Variants in CRACD observed in about 807,000 individuals in gnomAD.
The protein encoded by CRACD is capping protein-inhibiting regulator of actin dynamics.
A neutral mutation model predicts 106.8 loss-of-function variants in CRACD; 56 were observed. That is an observed-to-expected ratio of 0.52 (90% CI 0.42 to 0.66). The LOEUF (loss-of-function observed/expected upper bound fraction) is 0.66. Among genes scored for constraint, CRACD ranks in the 30% least tolerant of loss-of-function variants. The pLI, the probability that CRACD is intolerant of heterozygous loss-of-function variation, is 0.00. For synonymous variants in CRACD, 754 were observed against 670.8 expected, an observed-to-expected ratio of 1.12 and a Z score of -1.92; for missense variants, 1,730 against 1,623.2, an observed-to-expected ratio of 1.07 and a Z score of -1.13.
intron 1 of CRACD, among the ~76,000 whole-genome samples, chr4:56,169,952 AT>A (rs1330583553): frequency 6.6e-6 from 1 of 152,178 alleles, no homozygotes; most frequent in Non-Finnish European, 1.5e-5. Flanking sequence ...CAGCAGGGGT[AT>A]TTATCTGGTG....
rs902460416 is a variant in CRACD, at chr4:56,254,830, C to T, written c.-188-17491C>T. ...TTTAAAAAAAAAAAGATCAGCTGGC[C>T]GCGGTGGCTCACGCCTGTAATCCCA... On this transcript the variant is annotated intron_variant, in intron 2 of 10. Coordinates refer to ENST00000682029, the MANE Select transcript of CRACD (RefSeq NM_001393381.1). Among the ~76,000 whole-genome samples the T allele has an allele frequency of 9.8e-4, 149 of 151,938 alleles. 1 individual carries two copies. Among genetic ancestry groups the T allele is most frequent in the Admixed American group, 9.1e-3 (139 of 15,240 alleles).
intron 1 of CRACD, among the ~76,000 whole-genome samples, chr4:56,090,536 A>G (rs1002338126): frequency 3.3e-5 from 5 of 152,166 alleles, no homozygotes; most frequent in African/African-American, 1.2e-4. Context: ...CTGGGACTAC[A>G]GGTGCGTACC....
At chr4:56,052,381 A>T (rs1731907740) in intron 1 of CRACD, among the ~76,000 whole-genome samples, 1 of 152,238 alleles carries the variant, frequency 6.6e-6, no homozygotes, top group Non-Finnish European at 1.5e-5. Context: ...TTCACATCCC[A>T]TTAATGGGTC....
intron 2 of CRACD, among the ~76,000 whole-genome samples, chr4:56,190,036 T>C (rs1737299095): frequency 6.9e-6 from 1 of 144,938 alleles, no homozygotes; most frequent in South Asian, 2.2e-4. Context: ...GTTCTCATTG[T>C]TCAATTCCCA....
At chr4:56,190,821 G>A (rs73158780) in intron 2 of CRACD, among the ~76,000 whole-genome samples, 10,480 of 152,086 alleles carry the variant, frequency 0.069, 481 homozygotes, top group African/African-American at 0.12. Flanking sequence ...CTGTGTGGGG[G>A]GAATCCAACC....
intron 1 of CRACD, among the ~76,000 whole-genome samples, chr4:56,103,257 T>C (rs756246944): frequency 3.9e-5 from 6 of 152,200 alleles, no homozygotes; most frequent in Non-Finnish European, 2.9e-5. Context: ...GTATTGAAGA[T>C]TTATATTCAT....
intron 1 of CRACD, among the ~76,000 whole-genome samples, chr4:56,055,837 A>C (rs1019172184): frequency 1.3e-5 from 2 of 152,218 alleles, no homozygotes; most frequent in Admixed American, 6.5e-5. Flanking sequence ...AACCCAGGCC[A>C]GCCATCTGGT....
At chr4:56,085,408 G>A (rs974323811) in intron 1 of CRACD, among the ~76,000 whole-genome samples, 7 of 151,994 alleles carry the variant, frequency 4.6e-5, no homozygotes, top group Non-Finnish European at 8.8e-5. Context: ...TGATGTGGTG[G>A]TGGGTAAAGC....
intron 2 of CRACD, among the ~76,000 whole-genome samples, chr4:56,232,698 A>ATATTTATTTATT (rs1164519565): frequency 1.1e-5 from 1 of 88,268 alleles, no homozygotes; most frequent in African/African-American, 4.5e-5. Context: ...TAAAACATGT[A>ATATTTATTTATT]TCTTTATTTA....
chr4:56,122,840 T>C (rs1734534609), intron 1 of CRACD, among the ~76,000 whole-genome samples: 1 of 152,260 alleles, frequency 6.6e-6, no homozygotes, highest in African/African-American at 2.4e-5. Context: ...AGTGAAATAT[T>C]GCTTGAGGAC....
intron 1 of CRACD, among the ~76,000 whole-genome samples, chr4:56,147,447 C>T (rs1470974974): frequency 6.6e-6 from 1 of 152,120 alleles, no homozygotes; most frequent in East Asian, 1.9e-4. Flanking sequence ...CACACCTAGC[C>T]CTAGGCAACC....
intron 2 of CRACD, among the ~76,000 whole-genome samples, chr4:56,226,713 G>T (rs1159521828): frequency 6.6e-6 from 1 of 152,042 alleles, no homozygotes; most frequent in Non-Finnish European, 1.5e-5. Flanking sequence ...ATGAATAGAT[G>T]AATGCCCTCC....
intron 8 of CRACD, among the ~76,000 whole-genome samples, chr4:56,317,720 C>G (rs1745769385): frequency 6.6e-6 from 1 of 152,056 alleles, no homozygotes; most frequent in South Asian, 2.1e-4. Flanking sequence ...GTAAAATGCT[C>G]TGCAAATGCA....
intron 3 of CRACD, among the ~76,000 whole-genome samples, chr4:56,295,660 CATATATATATATATATATATAT>C (rs57635563): frequency 0.16 from 17,438 of 109,068 alleles, 1,746 homozygotes; most frequent in Middle Eastern, 0.21. Context: ...AATTAGTAAA[CATATATATATATATATATATAT>C]ATATATATAT....
intron 2 of CRACD, among the ~76,000 whole-genome samples, chr4:56,234,033 C>T (rs1054024852): frequency 6.6e-6 from 1 of 151,550 alleles, no homozygotes; most frequent in Non-Finnish European, 1.5e-5. Context: ...TTGATGTATC[C>T]TGCAATCTTT....
At chr4:56,112,224 G>A (rs1050995458) in intron 1 of CRACD, among the ~76,000 whole-genome samples, 8 of 152,150 alleles carry the variant, frequency 5.3e-5, no homozygotes, top group Non-Finnish European at 1.0e-4. Flanking sequence ...AGATAGCAGC[G>A]AGAGAAAGTG....
At chr4:56,260,796 AC>A (rs1478811418) in intron 2 of CRACD, among the ~76,000 whole-genome samples, 2 of 152,190 alleles carry the variant, frequency 1.3e-5, no homozygotes, top group African/African-American at 2.4e-5. Context: ...TGGATGTCAG[AC>A]TTGCCTAGCC....
chr4:56,316,852 C>T (rs1488336543), intron 8 of CRACD, among the ~76,000 whole-genome samples, 163 bp downstream of exon 8: 1 of 152,154 alleles, frequency 6.6e-6, no homozygotes, highest in African/African-American at 2.4e-5. Context: ...TGGGGCGCCT[C>T]AGTGAGAGGA....
chr4:56,096,292 A>T (rs535420440), intron 1 of CRACD, among the ~76,000 whole-genome samples: 3 of 152,290 alleles, frequency 2.0e-5, no homozygotes, highest in African/African-American at 7.2e-5. Context: ...ATGTTCAAGG[A>T]CCAAGTTCTG....
Sources: allele counts gnomAD v4.1 joint callset (sites outside exome capture counted in the v4.1 genomes callset), GRCh38; gene constraint gnomAD v4.1.1; transcripts MANE v1.5; gene names NCBI Gene and HGNC (gene_info 2026-07-23, HGNC 2026-07-21).